SLC24A2: variants seen among roughly 807,000 people sequenced by gnomAD.
SLC24A2 encodes the protein sodium/potassium/calcium exchanger 2.
Under a neutral mutation model 62.0 loss-of-function variants are expected in SLC24A2, and 36 were observed. That is an observed-to-expected ratio of 0.58 (90% CI 0.44 to 0.77). The LOEUF (loss-of-function observed/expected upper bound fraction) is 0.77, where lower values mean the gene tolerates loss of function less well. Among genes scored for constraint, SLC24A2 ranks in the 30% least tolerant of loss-of-function variants. The pLI, the probability that SLC24A2 is intolerant of heterozygous loss-of-function variation, is 0.00. For synonymous variants in SLC24A2, 358 were observed against 294.0 expected, an observed-to-expected ratio of 1.22 and a Z score of -2.23; for missense variants, 846 against 817.9, an observed-to-expected ratio of 1.03 and a Z score of -0.42.
chr9:20,122,460 G>C, the SLC24A2 span, among the ~76,000 whole-genome samples: 28 of 152,318 alleles, frequency 1.8e-4, no homozygotes, highest in African/African-American at 6.7e-4. Flanking sequence ...GCTGACGTGG[G>C]CAGATCACTT....
intron 4 of SLC24A2, among the ~76,000 whole-genome samples, chr9:19,613,467 A>G (rs1341214747): frequency 6.6e-6 from 1 of 152,172 alleles, no homozygotes; most frequent in Non-Finnish European, 1.5e-5. Flanking sequence ...AGAGAGGAAG[A>G]TATCACCATT....
chr9:19,915,454 A>G, the SLC24A2 span, among the ~76,000 whole-genome samples: 503 of 152,232 alleles, frequency 3.3e-3, 5 homozygotes, highest in African/African-American at 0.012. Context: ...ATACCTAGGT[A>G]TAGAATTGTA....
intron 2 of SLC24A2, among the ~76,000 whole-genome samples, chr9:19,669,902 T>C (rs1819366317): frequency 6.6e-6 from 1 of 152,238 alleles, no homozygotes. Context: ...GATGTGGACA[T>C]CTTTCGGGGC....
chr9:20,243,569 C>A, the SLC24A2 span, among the ~76,000 whole-genome samples: 2 of 152,184 alleles, frequency 1.3e-5, no homozygotes, highest in African/African-American at 4.8e-5. Context: ...CAGATTGTAA[C>A]ACGCTTACAC....
At chr9:20,261,504 C>T in the SLC24A2 span, among the ~76,000 whole-genome samples, 4 of 152,122 alleles carry the variant, frequency 2.6e-5, no homozygotes, top group South Asian at 6.2e-4. Context: ...ACAATAACAA[C>T]ACTCATCCAT....
At chr9:20,304,816 A>T in the SLC24A2 span, among the ~76,000 whole-genome samples, 1 of 152,186 alleles carries the variant, frequency 6.6e-6, no homozygotes, top group Non-Finnish European at 1.5e-5. Context: ...CTAAAGTCTC[A>T]GGGATAATAA....
At chr9:19,979,015 G>A in the SLC24A2 span, among the ~76,000 whole-genome samples, 10 of 152,172 alleles carry the variant, frequency 6.6e-5, no homozygotes, top group East Asian at 1.9e-4. Flanking sequence ...TGTGTGCTCC[G>A]TCTTTTTTAA....
chr9:20,281,787 T>C, the SLC24A2 span, among the ~76,000 whole-genome samples: 1 of 152,250 alleles, frequency 6.6e-6, no homozygotes, highest in African/African-American at 2.4e-5. Context: ...AAAATTCTAG[T>C]TTATAGCTTT....
chr9:19,651,059 A>G (rs537915347), intron 2 of SLC24A2, among the ~76,000 whole-genome samples: 1 of 152,252 alleles, frequency 6.6e-6, no homozygotes, highest in East Asian at 1.9e-4. Context: ...GAAAATTAGT[A>G]CCTTTTCAGA....
the SLC24A2 span, among the ~76,000 whole-genome samples, chr9:19,945,931 TG>T: frequency 1.8e-4 from 28 of 152,230 alleles, no homozygotes; most frequent in Admixed American, 1.8e-3. Context: ...AGAAGTAGAC[TG>T]GCAGTTTAGG....
At chr9:19,577,173 G>A (rs1054500532) in intron 5 of SLC24A2, 151 bp from the exon 6 acceptor site, 37 of 720,322 alleles carry the variant, frequency 5.1e-5, no homozygotes, top group Non-Finnish European at 8.6e-5. Context: ...CTTCCTGAAG[G>A]GTACTTTCTT....
At chr9:20,129,818 C>T in the SLC24A2 span, among the ~76,000 whole-genome samples, 1 of 151,830 alleles carries the variant, frequency 6.6e-6, no homozygotes, top group Non-Finnish European at 1.5e-5. Flanking sequence ...TGAAAGGCTT[C>T]CTTTGGTATT....
chr9:20,274,059 A>G, the SLC24A2 span, among the ~76,000 whole-genome samples: 16 of 152,310 alleles, frequency 1.1e-4, no homozygotes, highest in East Asian at 2.5e-3. Context: ...CACTCATTCA[A>G]TCACCAGATG....
At chr9:19,607,718 CAAAA>C (rs769291086) in intron 4 of SLC24A2, among the ~76,000 whole-genome samples, 1 of 67,238 alleles carries the variant, frequency 1.5e-5, no homozygotes, top group Non-Finnish European at 3.1e-5. Context: ...GACTCTGTCT[CAAAA>C]AAAAAAAAAA....
At chr9:19,950,256 A>T in the SLC24A2 span, among the ~76,000 whole-genome samples, 1 of 152,202 alleles carries the variant, frequency 6.6e-6, no homozygotes, top group Non-Finnish European at 1.5e-5. Context: ...ATATAAGTAA[A>T]TATATAAAGC....
the SLC24A2 span, among the ~76,000 whole-genome samples, chr9:20,162,714 T>C: frequency 3.2e-4 from 48 of 152,098 alleles, no homozygotes; most frequent in African/African-American, 1.1e-3. Context: ...TGATGAACAT[T>C]GATGCAAAAA....
the SLC24A2 span, among the ~76,000 whole-genome samples, chr9:20,233,171 G>A: frequency 6.6e-6 from 1 of 152,168 alleles, no homozygotes; most frequent in Non-Finnish European, 1.5e-5. Context: ...TGTAGTAGGT[G>A]TGGTGTGGTG....
intron 2 of SLC24A2, among the ~76,000 whole-genome samples, chr9:19,666,310 G>A (rs968895980): frequency 3.3e-5 from 5 of 152,184 alleles, no homozygotes; most frequent in Non-Finnish European, 7.3e-5. Flanking sequence ...AGAGGCTGAG[G>A]TGGAAGGATC....
At chr9:20,025,759 G>A in the SLC24A2 span, among the ~76,000 whole-genome samples, 4 of 152,154 alleles carry the variant, frequency 2.6e-5, no homozygotes, top group Non-Finnish European at 5.9e-5. Flanking sequence ...TGGCTGGTAT[G>A]GAAAAGTGGA....
Sources: allele counts gnomAD v4.1 joint callset (sites outside exome capture counted in the v4.1 genomes callset), GRCh38; gene constraint gnomAD v4.1.1; transcripts MANE v1.5; gene names NCBI Gene and HGNC (gene_info 2026-07-23, HGNC 2026-07-21).